Variants in HS6ST3 observed in about 807,000 individuals in gnomAD.
The protein encoded by HS6ST3 is heparan sulfate 6-O-sulfotransferase 3.
A neutral mutation model predicts 36.7 loss-of-function variants in HS6ST3; 12 were observed. That is an observed-to-expected ratio of 0.33 (90% confidence interval 0.21 to 0.53). HS6ST3 has a LOEUF of 0.53. Ranked by LOEUF, HS6ST3 falls within the 20% of genes least tolerant of loss-of-function variation. HS6ST3 has a pLI of 0.95. For missense variants in HS6ST3, 584 were observed against 640.9 expected (o/e 0.91, Z 0.96); for synonymous variants, 240 against 257.5 (o/e 0.93, Z 0.65).
chr13:96,432,278 C>T (rs554713380), intron 1 of HS6ST3, among the ~76,000 whole-genome samples: 1 of 152,256 alleles, frequency 6.6e-6, no homozygotes, highest in East Asian at 1.9e-4. Flanking sequence ...CTCAGTGGTA[C>T]AGATTACATT....
intron 1 of HS6ST3, among the ~76,000 whole-genome samples, chr13:96,210,637 A>G (rs557097209): frequency 1.4e-5 from 2 of 147,246 alleles, no homozygotes; most frequent in African/African-American, 2.5e-5. Flanking sequence ...TCTGTTGCCC[A>G]GGTTGGAGTA....
chr13:96,706,802 C>T (rs1025687775), intron 1 of HS6ST3, among the ~76,000 whole-genome samples: 5 of 152,046 alleles, frequency 3.3e-5, no homozygotes, highest in African/African-American at 9.7e-5. Context: ...AGGAGGCTCA[C>T]GTGACTGAGT....
chr13:96,383,777 G>A (rs1277528210), intron 1 of HS6ST3, among the ~76,000 whole-genome samples: 1 of 152,220 alleles, frequency 6.6e-6, no homozygotes, highest in East Asian at 1.9e-4. Flanking sequence ...GAAGCACAAG[G>A]TGGTGGGGAG....
At chr13:96,677,510 C>A (rs1241307394) in intron 1 of HS6ST3, among the ~76,000 whole-genome samples, 2 of 151,970 alleles carry the variant, frequency 1.3e-5, no homozygotes, top group East Asian at 3.9e-4. Flanking sequence ...TATATATACA[C>A]ATACATATGT....
At chr13:96,553,141 C>T (rs548886226) in intron 1 of HS6ST3, among the ~76,000 whole-genome samples, 5 of 152,284 alleles carry the variant, frequency 3.3e-5, no homozygotes, top group African/African-American at 1.2e-4. Flanking sequence ...TAATTCCCCA[C>T]ATGCACAGTT....
intron 1 of HS6ST3, among the ~76,000 whole-genome samples, chr13:96,318,207 A>G (rs112016547): frequency 2.0e-5 from 3 of 152,128 alleles, no homozygotes; most frequent in African/African-American, 7.2e-5. Flanking sequence ...TCTTTAGTCC[A>G]TCTTCAGTTA....
chr13:96,675,428 A>C (rs769845887), intron 1 of HS6ST3, among the ~76,000 whole-genome samples: 13 of 152,052 alleles, frequency 8.5e-5, no homozygotes, highest in Non-Finnish European at 1.8e-4. Context: ...TTTGTCGCTC[A>C]ATTTTCAATA....
intron 1 of HS6ST3, among the ~76,000 whole-genome samples, chr13:96,581,153 A>C (rs541963737): frequency 6.6e-6 from 1 of 152,296 alleles, no homozygotes; most frequent in South Asian, 2.1e-4. Flanking sequence ...AAAAGGAATA[A>C]ATTCAAGCCC....
intron 1 of HS6ST3, among the ~76,000 whole-genome samples, chr13:96,534,721 G>T (rs2056148531): frequency 1.3e-5 from 2 of 152,066 alleles, no homozygotes; most frequent in Non-Finnish European, 2.9e-5. Context: ...TGCTTTGGGA[G>T]GCTGAGGCAG....
At chr13:96,742,488 GAT>G (rs1876465427) in intron 1 of HS6ST3, among the ~76,000 whole-genome samples, 3 of 151,970 alleles carry the variant, frequency 2.0e-5, no homozygotes, top group Admixed American at 2.0e-4. Flanking sequence ...GATGAAAAAA[GAT>G]ATACCAGGCA....
Position 96,554,566 on chromosome 13 carries a change from G to A in HS6ST3, c.708-277924G>A, listed in dbSNP as rs186242064. 2.2e-4 allele frequency among the ~76,000 whole-genome samples: 33 copies of A among 152,218 alleles called. No homozygotes were observed. In the East Asian group the frequency reaches 6.2e-3, roughly 29 times the overall value. On this transcript the variant is annotated intron_variant, in intron 1 of 1. Coordinates refer to ENST00000376705, the MANE Select transcript of HS6ST3 (RefSeq NM_153456.4). Reference sequence around the variant, plus strand: ...GAATCTGGGCACAATCTCCTTATCTGTGGACTGTTAGGGTCAAAGAAGGAA... The same window carrying A: ...GAATCTGGGCACAATCTCCTTATCTATGGACTGTTAGGGTCAAAGAAGGAA...
chr13:96,269,794 G>A (rs2054710836), intron 1 of HS6ST3, among the ~76,000 whole-genome samples: 1 of 151,974 alleles, frequency 6.6e-6, no homozygotes, highest in African/African-American at 2.4e-5. Context: ...AGGATGATCT[G>A]ATGTCCTTTG....
intron 1 of HS6ST3, among the ~76,000 whole-genome samples, chr13:96,820,600 A>G (rs1433478277): frequency 6.6e-6 from 1 of 152,246 alleles, no homozygotes; most frequent in Non-Finnish European, 1.5e-5. Context: ...TCAGCTGTTT[A>G]GGTGAGGAAA....
intron 1 of HS6ST3, among the ~76,000 whole-genome samples, chr13:96,354,456 TC>T (rs974700275): frequency 2.6e-5 from 4 of 152,186 alleles, no homozygotes; most frequent in Non-Finnish European, 5.9e-5. Context: ...CATTTTGTAC[TC>T]TTTTACTTTT....
intron 1 of HS6ST3, among the ~76,000 whole-genome samples, chr13:96,291,246 C>T (rs2054828404): frequency 6.6e-6 from 1 of 152,116 alleles, no homozygotes; most frequent in Non-Finnish European, 1.5e-5. Context: ...TAGTCTCTGG[C>T]ATATAGTAGA....
chr13:96,588,464 C>T (rs1176240226), intron 1 of HS6ST3, among the ~76,000 whole-genome samples: 1 of 152,090 alleles, frequency 6.6e-6, no homozygotes, highest in Admixed American at 6.6e-5. Context: ...TTGTCAAATG[C>T]TTTTTCTGCA....
At chr13:96,117,818 C>T (rs1034469240) in intron 1 of HS6ST3, among the ~76,000 whole-genome samples, 3 of 151,980 alleles carry the variant, frequency 2.0e-5, no homozygotes, top group African/African-American at 7.3e-5. Flanking sequence ...AATCATGTCT[C>T]CTGCCCCCAA....
intron 1 of HS6ST3, among the ~76,000 whole-genome samples, chr13:96,380,348 C>T (rs528371041): frequency 1.3e-5 from 2 of 151,274 alleles, no homozygotes; most frequent in South Asian, 2.1e-4. Flanking sequence ...TCATTGCTAC[C>T]TCTGCCTCCC....
chr13:96,442,025 G>GT (rs1209849943), intron 1 of HS6ST3, among the ~76,000 whole-genome samples: 3,790 of 143,084 alleles, frequency 0.026, 107 homozygotes, highest in African/African-American at 0.07. Flanking sequence ...TGATAATATA[G>GT]TTTTTTTTTT....
Sources: allele counts gnomAD v4.1 joint callset (sites outside exome capture counted in the v4.1 genomes callset), GRCh38; gene constraint gnomAD v4.1.1; transcripts MANE v1.5; gene names NCBI Gene and HGNC (gene_info 2026-07-23, HGNC 2026-07-21).